The following U2SURP variants were observed in gnomAD, a reference collection of about 807,000 sequenced individuals.
The protein encoded by U2SURP is U2 snRNP-associated SURP motif-containing protein.
In U2SURP, 9 loss-of-function variants were observed where a neutral mutation model predicts 144.9. The observed-to-expected ratio is 0.06, with a 90% CI of 0.04 to 0.11. The LOEUF is 0.11. U2SURP is among the 10% of genes least tolerant of loss of function. U2SURP has a pLI of 1.00. For missense variants in U2SURP, 724 were observed against 1,226.7 expected (o/e 0.59, Z 6.12); for synonymous variants, 408 against 396.8 (o/e 1.03, Z -0.33).
In U2SURP at chr3:143,037,212, G is replaced by A; in HGVS notation, c.2098G>A (p.Glu700Lys). The A allele has an allele frequency of 3.1e-6, 5 of 1,612,268 alleles. No individual in the cohort carries two copies. Among genetic ancestry groups the A allele is most frequent in the Non-Finnish European group, 4.2e-6 (5 of 1,179,064 alleles). The change falls in exon 21 of 28, where the codon GAG becomes AAG. Residue 700 changes from glutamate (E) to lysine (K), a missense_variant. Transcript: ENST00000473835. Reference sequence around the variant, plus strand: ...AGATGACCTTGATGGTGCCCCCATCGAGGAAGAGCTTGATGGTGCACCTCT... The same window carrying A: ...AGATGACCTTGATGGTGCCCCCATCAAGGAAGAGCTTGATGGTGCACCTCT... ...VPDDLDGAPI[E>K]EELDGAPLED...
rs989862976 is a variant in U2SURP at position 143,021,540 on chromosome 3, A to G, written c.837A>G (p.Gly279=). 3 of 1,613,186 alleles carry G rather than the reference A, an allele frequency of 1.9e-6. No homozygotes were observed. Among genetic ancestry groups the G allele is most frequent in the Non-Finnish European group, 8.5e-7 (1 of 1,179,400 alleles). Reference sequence around the variant, plus strand: ...CAAGCACTACTAATTTATACCTTGGAAACATTAATCCACAGGTAATATTAA... The same window carrying G: ...CAAGCACTACTAATTTATACCTTGGGAACATTAATCCACAGGTAATATTAA... ...GDPSTTNLYL[G]NINPQMNEEM... The change falls in exon 10 of 28, where the codon GGA becomes GGG. Residue 279 remains glycine (G), a synonymous_variant. Transcript: ENST00000473835.
intron 20 of U2SURP, 144 bp from the exon 21 acceptor site, chr3:143,037,035 T>G: frequency 1.3e-6 from 1 of 762,690 alleles, no homozygotes; most frequent in Non-Finnish European, 2.0e-6. Context: ...TTTAGCAAAC[T>G]GGATGATAGA....
intron 23 of U2SURP, among the ~76,000 whole-genome samples, chr3:143,041,065 CAAA>C (rs139846090): frequency 6.7e-6 from 1 of 148,886 alleles, no homozygotes; most frequent in Non-Finnish European, 1.5e-5. Context: ...TTTGAAATTG[CAAA>C]AAAAAATTAG....
chr3:143,046,363 C>T lies in U2SURP; in HGVS notation c.2544+3087C>T, dbSNP rs1322432934. ...TTATTGATCATTCTTGGGTGTTTCT[C>T]GCAGAGGGGGATTTGGCAGGGTCAT... On this transcript the variant is annotated intron_variant, in intron 24 of 27. Transcript: ENST00000473835. Among the ~76,000 whole-genome samples the T allele has an allele frequency of 1.4e-4, 15 of 109,658 alleles. No homozygotes were observed. In the South Asian group the frequency reaches 2.6e-3, roughly 19 times the overall value. The allele number at this position is 109,658 out of a possible 152,430, so 71.9% of individuals were successfully genotyped here. A position where few individuals can be genotyped will look rare whatever the true frequency, so the allele number is the denominator to read the frequency against.
intron 4 of U2SURP, among the ~76,000 whole-genome samples, chr3:143,015,106 A>G (rs1936300200): frequency 6.6e-6 from 1 of 152,086 alleles, no homozygotes; most frequent in Non-Finnish European, 1.5e-5. Flanking sequence ...TCAGTAGTGT[A>G]TGAATGAATG....
At chr3:143,008,494 G>T (rs988709325) in intron 1 of U2SURP, among the ~76,000 whole-genome samples, 2 of 152,162 alleles carry the variant, frequency 1.3e-5, no homozygotes, top group East Asian at 3.9e-4. Context: ...AATTTAGAGC[G>T]GTTGAATGAA....
At position 143,035,061 on chromosome 3, in the gene U2SURP, A is replaced by C. The variant is rs1244517796; in HGVS notation, c.1941+86A>C. ...GAAGGGCTAGAAAAGTGCATAAGAC[A>C]AGTATGAGACATAAATTTAAAACTT... On this transcript the variant is annotated intron_variant, in intron 19 of 27. Coordinates refer to ENST00000473835, the MANE Select transcript of U2SURP (RefSeq NM_001080415.2). 3 of 671,816 alleles carry C rather than the reference A, an allele frequency of 4.5e-6. No individual in the cohort carries two copies. The East Asian group carries it at 9.1e-5, about 20-fold the overall frequency. The allele number at this position is 671,816 out of a possible 1,614,324, so 41.6% of individuals were successfully genotyped here. A position where few individuals can be genotyped will look rare whatever the true frequency, so the allele number is the denominator to read the frequency against.
chr3:143,015,519 A>G (rs1473838999), intron 4 of U2SURP, among the ~76,000 whole-genome samples: 2 of 152,064 alleles, frequency 1.3e-5, no homozygotes, highest in African/African-American at 2.4e-5. Context: ...ATATTAAATC[A>G]GATTATTTTG....
chr3:143,052,233 A>G (rs1934912278), intron 25 of U2SURP, among the ~76,000 whole-genome samples: 1 of 152,178 alleles, frequency 6.6e-6, no homozygotes. Context: ...CGTCTCTACT[A>G]AAAATACAAA....
intron 3 of U2SURP, among the ~76,000 whole-genome samples, chr3:143,013,051 ATTTT>A (rs528617048): frequency 1.3e-5 from 2 of 151,874 alleles, no homozygotes; most frequent in South Asian, 4.1e-4. Context: ...TTAGTTATAA[ATTTT>A]TTTTCATTTC....
chr3:143,021,305 C>A (rs1936619652), intron 8 of U2SURP, 45 bp from the exon 9 acceptor site: 1 of 1,554,102 alleles, frequency 6.4e-7, no homozygotes, highest in East Asian at 2.4e-5. Context: ...GGGGGGACTA[C>A]TGTATTATAA....
intron 16 of U2SURP, among the ~76,000 whole-genome samples, chr3:143,031,755 T>A (rs749465957): frequency 1.3e-5 from 2 of 152,262 alleles, no homozygotes; most frequent in Admixed American, 1.3e-4. Context: ...CTTTGAGATA[T>A]GCCTGTATGT....
chr3:143,051,076 C>T, intron 25 of U2SURP, 27 bp downstream of exon 25: 6 of 1,386,200 alleles, frequency 4.3e-6, no homozygotes, highest in Non-Finnish European at 5.0e-6. Context: ...CCCAATAATA[C>T]ACATATTTTG....
At chr3:143,026,642 C>G (rs1933163235) in intron 13 of U2SURP, 1 of 151,858 alleles carries the variant, frequency 6.6e-6, no homozygotes, top group Admixed American at 6.6e-5. Flanking sequence ...AGGCCTTAAA[C>G]TTGTTAAATA....
chr3:143,038,682 AT>A (rs1214802780), intron 22 of U2SURP, among the ~76,000 whole-genome samples: 1 of 152,046 alleles, frequency 6.6e-6, no homozygotes, highest in Non-Finnish European at 1.5e-5. Flanking sequence ...TAAGGATGAC[AT>A]TATTCGTCAC....
At chr3:143,026,711 T>C (rs1007866797) in intron 13 of U2SURP, 3 of 152,322 alleles carry the variant, frequency 2.0e-5, no homozygotes, top group African/African-American at 4.8e-5. Context: ...ACCATAAAAG[T>C]GCTTGGTTTA....
chr3:143,003,918 T>G (rs931957393), intron 1 of U2SURP, among the ~76,000 whole-genome samples: 1 of 152,044 alleles, frequency 6.6e-6, no homozygotes, highest in Non-Finnish European at 1.5e-5. Context: ...TCTCGATCTC[T>G]TGACCTCGTG....
intron 6 of U2SURP, chr3:143,017,425 T>C (rs1936424866): frequency 6.6e-6 from 1 of 152,404 alleles, no homozygotes. Context: ...GAAAAAATTT[T>C]TTTTTCTTTG....
chr3:143,021,656 A>G, intron 10 of U2SURP, 101 bp downstream of exon 10: 1 of 1,122,148 alleles, frequency 8.9e-7, no homozygotes, highest in Non-Finnish European at 1.3e-6. Flanking sequence ...GACAAATCTG[A>G]TGGAATTGGA....
Sources: allele counts gnomAD v4.1 joint callset (sites outside exome capture counted in the v4.1 genomes callset), GRCh38; gene constraint gnomAD v4.1.1; transcripts MANE v1.5; gene names NCBI Gene and HGNC (gene_info 2026-07-23, HGNC 2026-07-21).